Variants in TMEM220 observed in about 807,000 individuals in gnomAD.
The protein encoded by TMEM220 is transmembrane protein 220.
Under a neutral mutation model 21.7 loss-of-function variants are expected in TMEM220, and 21 were observed. That is an observed-to-expected ratio of 0.97 (90% CI 0.69 to 1.39). TMEM220 has a LOEUF of 1.39. Ranked by LOEUF, TMEM220 falls within the 40% of genes most tolerant of loss-of-function variation. TMEM220 has a pLI of 0.00. For missense variants in TMEM220, 191 were observed against 201.9 expected (o/e 0.95, Z 0.33); for synonymous variants, 80 against 73.6 (o/e 1.09, Z -0.45).
In TMEM220 at chr17:10,713,691, CTG is replaced by C. The variant is rs1386948037; in HGVS notation, c.*1760_*1761del. ...TACTGACCCTTAAGTTTCACTTTGA[CTG>C]TTTTAATATCAACTAGATTTGTTTT... On this transcript the variant is annotated 3_prime_UTR_variant, in exon 6 of 6. Transcript: ENST00000341871. 1 of 152,146 alleles carries C rather than the reference CTG, an allele frequency of 6.6e-6. No homozygotes were observed. The highest frequency in any genetic ancestry group is 1.9e-4 in the East Asian group (1 of 5,200). The allele number at this position is 152,146 out of a possible 1,614,324, so 9.4% of individuals were successfully genotyped here.
At chr17:10,723,616 T>C (rs1476856592) in intron 4 of TMEM220, among the ~76,000 whole-genome samples, 3 of 152,182 alleles carry the variant, frequency 2.0e-5, no homozygotes, top group Non-Finnish European at 4.4e-5. Context: ...GAAATGAATA[T>C]TTTATAAAAT....
At chr17:10,718,231 A>G (rs1422970096) in intron 5 of TMEM220, among the ~76,000 whole-genome samples, 1 of 152,116 alleles carries the variant, frequency 6.6e-6, no homozygotes, top group African/African-American at 2.4e-5. Flanking sequence ...TGTATTTTCA[A>G]ATTTATTGGT....
At chr17:10,722,984 C>CT (rs11463233) in intron 5 of TMEM220, among the ~76,000 whole-genome samples, 70,431 of 139,554 alleles carry the variant, frequency 0.5, 18,397 homozygotes, top group African/African-American at 0.65. Context: ...GATGTGATTT[C>CT]TTTTTTTTTT....
At chr17:10,720,562 G>A (rs1271044571) in intron 5 of TMEM220, among the ~76,000 whole-genome samples, 1 of 152,114 alleles carries the variant, frequency 6.6e-6, no homozygotes, top group African/African-American at 2.4e-5. Flanking sequence ...GAAGCTATAG[G>A]GTCAGGGGGC....
At chr17:10,724,579 C>CAA (rs11302864) in intron 4 of TMEM220, 15 of 128,546 alleles carry the variant, frequency 1.2e-4, no homozygotes, top group Admixed American at 3.1e-4. Context: ...GACTCCGTTT[C>CAA]AAAAAAAAAA....
intron 5 of TMEM220, among the ~76,000 whole-genome samples, chr17:10,719,428 C>T (rs1441050946): frequency 6.6e-6 from 1 of 152,080 alleles, no homozygotes; most frequent in East Asian, 1.9e-4. Context: ...CCACCATGCC[C>T]GGCTAATTTT....
At chr17:10,729,754 T>C (rs2075101378) in intron 1 of TMEM220, 26 bp downstream of exon 1, 9 of 1,336,182 alleles carry the variant, frequency 6.7e-6, no homozygotes, top group Admixed American at 3.3e-5. Flanking sequence ...GCCGGGCGGG[T>C]CCCCCTCCCA....
chr17:10,721,835 C>T (rs1434832040), intron 5 of TMEM220, among the ~76,000 whole-genome samples: 1 of 151,746 alleles, frequency 6.6e-6, no homozygotes, highest in East Asian at 1.9e-4. Context: ...TTGTTTTTCT[C>T]CAATAATTGT....
intron 3 of TMEM220, among the ~76,000 whole-genome samples, chr17:10,725,964 A>C (rs2075044350): frequency 6.6e-6 from 1 of 152,204 alleles, no homozygotes; most frequent in African/African-American, 2.4e-5. Context: ...GTTTTAAAGA[A>C]AGTGAAGAAG....
rs764600302 is a variant in TMEM220, at chr17:10,723,323, C to T, written c.294G>A (p.Leu98=). 5 of 1,614,048 alleles carry T rather than the reference C, an allele frequency of 3.1e-6. No individual in the cohort carries two copies. In the South Asian group the frequency reaches 3.3e-5, roughly 11 times the overall value. The part of the protein sequence containing the change: ...NILHEEEGRE[L]SGLVIITAWI... ...ATGCTGTAATAATCACCAGACCAGACAGCTCCCTATAAAAGGGTGTACATT... is the reference window on the plus strand; with the variant it reads ...ATGCTGTAATAATCACCAGACCAGATAGCTCCCTATAAAAGGGTGTACATT... Residue 98 remains leucine, a synonymous_variant, in exon 5 of 6, where the codon CTG becomes CTA. Transcript: ENST00000341871.
Position 10,715,543 on chromosome 17 carries a change from G to A in TMEM220, c.393C>T (p.Ile131=). The change falls in exon 6 of 6, where the codon ATC becomes ATT. Residue 131 remains isoleucine, a synonymous_variant. Transcript: ENST00000341871. ...CCCATGAGATAAATGGGAAAAGTGT[G>A]ATTACAATGGCAATAGCCAATTGAA... is the stretch of plus-strand genomic sequence containing the variant. ...GRIQLAIAIV[I]TLFPFISWVY... The A allele has an allele frequency of 6.2e-7, 1 of 1,603,402 alleles. No individual in the cohort carries two copies. The highest frequency in any genetic ancestry group is 8.5e-7 in the Non-Finnish European group (1 of 1,177,522).
chr17:10,727,512 G>A (rs1299662786), intron 2 of TMEM220, among the ~76,000 whole-genome samples: 1 of 152,174 alleles, frequency 6.6e-6, no homozygotes. Flanking sequence ...GTGACATGCA[G>A]GTGAATATAC....
chr17:10,727,000 A>G (rs1347160211), intron 2 of TMEM220, among the ~76,000 whole-genome samples: 2 of 152,192 alleles, frequency 1.3e-5, no homozygotes, highest in Non-Finnish European at 2.9e-5. Flanking sequence ...TTATATCAGA[A>G]GATGTTAAGG....
chr17:10,711,414 CCCTA>C (rs1024410637), downstream of TMEM220, among the ~76,000 whole-genome samples: 52 of 152,166 alleles, frequency 3.4e-4, no homozygotes, highest in African/African-American at 1.1e-3. Context: ...TCTTATTTGG[CCCTA>C]CCTGATTTTT....
chr17:10,714,860 TGCA>T lies in TMEM220; in HGVS notation c.*590_*592del, dbSNP rs2074891372. ...CACCTGAGCCCCGGGAGGTCAGGAC[TGCA>T]GTGAGCCATGATCATGCCACTGCAC... On this transcript the variant is annotated 3_prime_UTR_variant, in exon 6 of 6. Coordinates refer to ENST00000341871, the MANE Select transcript of TMEM220 (RefSeq NM_001004313.3). The T allele has an allele frequency of 6.6e-6, 1 of 151,956 alleles. No individual in the cohort carries two copies. The highest frequency in any genetic ancestry group is 1.5e-5 in the Non-Finnish European group (1 of 68,392). 9.4% of individuals were successfully genotyped at this position (151,956 alleles called of 1,614,324 possible). A position where few individuals can be genotyped will look rare whatever the true frequency, so the allele number is the denominator to read the frequency against.
At chr17:10,721,604 C>CAAAAAAAAAAAAAAAA (rs1194075248) in intron 5 of TMEM220, among the ~76,000 whole-genome samples, 1 of 35,830 alleles carries the variant, frequency 2.8e-5, no homozygotes. Context: ...GACTCTGTCT[C>CAAAAAAAAAAAAAAAA]AAAAAAAAAA....
intron 5 of TMEM220, among the ~76,000 whole-genome samples, chr17:10,722,149 C>T (rs981440815): frequency 6.6e-6 from 1 of 152,068 alleles, no homozygotes; most frequent in Non-Finnish European, 1.5e-5. Context: ...ACCAACACCA[C>T]GCCTGGCTAA....
At chr17:10,726,650 C>T (rs1041309295) in intron 2 of TMEM220, among the ~76,000 whole-genome samples, 3 of 152,232 alleles carry the variant, frequency 2.0e-5, no homozygotes, top group Non-Finnish European at 4.4e-5. Context: ...GGAGCAGCCA[C>T]GATGCTAGAT....
chr17:10,715,550 A>G lies in TMEM220; in HGVS notation c.386T>C (p.Ile129Thr), dbSNP rs759990575. 3 of 1,603,670 alleles carry G rather than the reference A, an allele frequency of 1.9e-6. No homozygotes were observed. In the Admixed American group the frequency reaches 5.3e-5, roughly 28 times the overall value. ...VGGRIQLAIA[I>T]VITLFPFISW... The stretch of plus-strand genomic sequence containing the variant: ...GATAAATGGGAAAAGTGTGATTACA[A>G]TGGCAATAGCCAATTGAATTCTTCC... The change falls in exon 6 of 6, where the codon ATT (isoleucine) becomes ACT (threonine). Residue 129 changes from isoleucine to threonine, a missense_variant. Physicochemically the swap from Ile to Thr is moderately conservative, Grantham distance 89. Coordinates refer to ENST00000341871, the MANE Select transcript of TMEM220 (RefSeq NM_001004313.3).
Sources: gnomAD v4.1 joint callset for allele counts (sites outside exome capture counted in the v4.1 genomes callset) on GRCh38, gnomAD v4.1.1 for gene constraint, MANE v1.5 for transcripts, NCBI Gene and HGNC (gene_info 2026-07-23, HGNC 2026-07-21) for gene names.